PIK3C2G: variants seen among roughly 807,000 people sequenced by gnomAD.
The protein encoded by PIK3C2G is phosphatidylinositol 3-kinase C2 domain-containing subunit gamma.
Under a neutral mutation model 181.1 loss-of-function variants are expected in PIK3C2G, and 168 were observed. That is an observed-to-expected ratio of 0.93 (90% CI 0.82 to 1.05). The LOEUF (loss-of-function observed/expected upper bound fraction) is 1.05. Ranked by LOEUF, PIK3C2G falls within the 50% of genes least tolerant of loss-of-function variation. The pLI is 0.00. For synonymous variants in PIK3C2G, 573 were observed against 592.2 expected (o/e 0.97, Z 0.47); for missense variants, 1,869 against 1,732.8 (o/e 1.08, Z -1.40).
At chr12:18,328,048 A>T (rs952838039) in intron 8 of PIK3C2G, among the ~76,000 whole-genome samples, 2 of 151,974 alleles carry the variant, frequency 1.3e-5, no homozygotes, top group Admixed American at 6.6e-5. Context: ...GCCAGTGAGG[A>T]TCATGGTAGG....
At chr12:18,699,701 T>C in the PIK3C2G span, 3 of 1,300,130 alleles carry the variant, frequency 2.3e-6, no homozygotes, top group Middle Eastern at 2.0e-4. Context: ...TATGAGAATA[T>C]ACATTTTATA....
intron 6 of PIK3C2G, among the ~76,000 whole-genome samples, chr12:18,314,314 A>G (rs1279450743): frequency 6.6e-6 from 1 of 152,144 alleles, no homozygotes; most frequent in Non-Finnish European, 1.5e-5. Context: ...GTGTCCCCCC[A>G]AAATTCATAA....
intron 4 of PIK3C2G, among the ~76,000 whole-genome samples, chr12:18,292,227 A>AAAAAAAAAAAAAAAAAAATATATATAT: frequency 2.1e-5 from 1 of 48,734 alleles, no homozygotes; most frequent in Non-Finnish European, 3.3e-5. Flanking sequence ...AAAAAAAAAA[A>AAAAAAAAAAAAAAAAAAATATATATAT]ATATATATAT....
At chr12:18,487,177 A>C (rs999400977) in intron 18 of PIK3C2G, among the ~76,000 whole-genome samples, 1 of 151,156 alleles carries the variant, frequency 6.6e-6, no homozygotes, top group Non-Finnish European at 1.5e-5. Context: ...ATTTCACACA[A>C]AATTTGTATT....
the PIK3C2G span, among the ~76,000 whole-genome samples, chr12:18,716,028 T>C: frequency 6.6e-6 from 1 of 152,194 alleles, no homozygotes; most frequent in Non-Finnish European, 1.5e-5. Flanking sequence ...GAATTGCAAA[T>C]GAATATATTT....
chr12:18,382,676 C>T (rs1300313416), intron 14 of PIK3C2G, among the ~76,000 whole-genome samples: 3 of 152,092 alleles, frequency 2.0e-5, no homozygotes, highest in Admixed American at 6.5e-5. Flanking sequence ...GCAACATCCC[C>T]GGCTTCTTTC....
At chr12:18,567,126 G>C in intron 29 of PIK3C2G, 69 bp downstream of exon 29, 1 of 766,892 alleles carries the variant, frequency 1.3e-6, no homozygotes, top group Non-Finnish European at 2.2e-6. Flanking sequence ...TCGTGAGTGT[G>C]GTGGTTTATG....
At chr12:18,280,999 TTGGGTCATTTTTTTGCCCCATAGAACA>T (rs964895742) in intron 1 of PIK3C2G, among the ~76,000 whole-genome samples, 19 of 151,988 alleles carry the variant, frequency 1.3e-4, no homozygotes, top group African/African-American at 4.3e-4. Flanking sequence ...GCGTGAATAA[TTGGGTCATTTTTTTGCCCCATAGAACA>T]CTGGAATAAG....
At position 18,538,326 on chromosome 12, in the gene PIK3C2G, GA is replaced by G. The variant is rs537525433; in HGVS notation, c.3480+23del. On this transcript the variant is annotated intron_variant, in intron 25 of 32. Coordinates refer to ENST00000538779, the MANE Select transcript of PIK3C2G (RefSeq NM_001288772.2). ...CTGCTGGAAATGGTAAGTCCCTTGG[GA>G]AAAAAAAACAAAAATAATAAGCTTC... 2.9e-5 allele frequency: 44 copies of G among 1,512,172 alleles called. No individual in the cohort carries two copies. The highest frequency in any genetic ancestry group is 2.0e-4 in the South Asian group (16 of 79,252). 93.7% of individuals were successfully genotyped at this position (1,512,172 alleles called of 1,614,324 possible). A position where few individuals can be genotyped will look rare whatever the true frequency, so the allele number is the denominator to read the frequency against.
intron 23 of PIK3C2G, among the ~76,000 whole-genome samples, chr12:18,504,856 T>A (rs1941720413): frequency 6.6e-6 from 1 of 152,242 alleles, no homozygotes; most frequent in Admixed American, 6.5e-5. Context: ...TAGCTTTCTC[T>A]GTATTCCAAA....
chr12:18,280,716 T>A (rs1482592351), intron 1 of PIK3C2G, among the ~76,000 whole-genome samples: 1 of 152,004 alleles, frequency 6.6e-6, no homozygotes, highest in African/African-American at 2.4e-5. Context: ...TTGGTTAGTG[T>A]CTTAAATAAA....
At chr12:18,676,207 G>T in the PIK3C2G span, among the ~76,000 whole-genome samples, 2 of 152,092 alleles carry the variant, frequency 1.3e-5, no homozygotes, top group Non-Finnish European at 2.9e-5. Context: ...AAAGAAACCA[G>T]GTCCTAATCA....
At chr12:18,317,412 A>AT (rs1950916532) in intron 6 of PIK3C2G, among the ~76,000 whole-genome samples, 2 of 152,270 alleles carry the variant, frequency 1.3e-5, no homozygotes, top group Admixed American at 1.3e-4. Flanking sequence ...AGGAACTGGG[A>AT]TAAGTACTTT....
intron 16 of PIK3C2G, among the ~76,000 whole-genome samples, chr12:18,407,480 A>G (rs1944603502): frequency 6.6e-6 from 1 of 152,104 alleles, no homozygotes; most frequent in African/African-American, 2.4e-5. Context: ...TTTATTCAAT[A>G]CGTGTATATT....
intron 11 of PIK3C2G, among the ~76,000 whole-genome samples, chr12:18,348,900 C>T (rs1262195049): frequency 2.0e-5 from 3 of 152,122 alleles, no homozygotes; most frequent in Non-Finnish European, 4.4e-5. Flanking sequence ...ACTGAGACCA[C>T]AGTCATCTCA....
chr12:18,705,337 T>G, the PIK3C2G span: 1 of 1,613,670 alleles, frequency 6.2e-7, no homozygotes, highest in East Asian at 2.2e-5. Context: ...ACCATTACTA[T>G]GGTTATTCAT....
chr12:18,434,284 C>T (rs1565718540), intron 18 of PIK3C2G, among the ~76,000 whole-genome samples: 1 of 152,132 alleles, frequency 6.6e-6, no homozygotes, highest in Non-Finnish European at 1.5e-5. Context: ...TTCCATTAGA[C>T]CCCCACCTGT....
chr12:18,331,524 T>C (rs1045816207), intron 8 of PIK3C2G, among the ~76,000 whole-genome samples: 1 of 152,106 alleles, frequency 6.6e-6, no homozygotes, highest in Non-Finnish European at 1.5e-5. Flanking sequence ...TACTATGTCT[T>C]CTTGAAATCA....
intron 29 of PIK3C2G, among the ~76,000 whole-genome samples, chr12:18,573,925 T>C (rs1946102648): frequency 6.6e-6 from 1 of 152,118 alleles, no homozygotes; most frequent in Non-Finnish European, 1.5e-5. Flanking sequence ...GCCTAGAAAA[T>C]TGAAGGGAAA....
Sources: gnomAD v4.1 joint callset for allele counts (sites outside exome capture counted in the v4.1 genomes callset) on GRCh38, gnomAD v4.1.1 for gene constraint, MANE v1.5 for transcripts, NCBI Gene and HGNC (gene_info 2026-07-23, HGNC 2026-07-21) for gene names.